RAD50: variants seen among roughly 807,000 people sequenced by gnomAD.
RAD50 encodes RAD50 double strand break repair protein.
RAD50 carries 132 observed loss-of-function variants against 168.8 expected under a neutral mutation model. That is an observed-to-expected ratio of 0.78 (90% CI 0.68 to 0.90). RAD50 has a LOEUF of 0.90. Among genes scored for constraint, RAD50 ranks in the 40% least tolerant of loss-of-function variants. The pLI is 0.00. For missense variants in RAD50, 1,347 were observed against 1,534.4 expected (o/e 0.88, Z 2.04); for synonymous variants, 525 against 497.4 (o/e 1.06, Z -0.74).
chr5:132,564,695 A>T (rs1393952357), intron 2 of RAD50, among the ~76,000 whole-genome samples: 2 of 152,228 alleles, frequency 1.3e-5, no homozygotes, highest in African/African-American at 2.4e-5. Flanking sequence ...GAGGAGCAGA[A>T]TGTTTAATAG....
intron 23 of RAD50, among the ~76,000 whole-genome samples, chr5:132,639,108 G>GCA (rs1046513725): frequency 2.6e-5 from 4 of 151,778 alleles, no homozygotes; most frequent in African/African-American, 9.7e-5. Context: ...TGTAATCGCA[G>GCA]CACTTTGGAA....
At chr5:132,608,478 G>GGGTC (rs1251698290) in intron 16 of RAD50, 137 bp from the exon 17 acceptor site, 1 of 660,102 alleles carries the variant, frequency 1.5e-6, no homozygotes, top group African/African-American at 1.8e-5. Context: ...TGTCCTCATA[G>GGGTC]GGTCATTGAA....
At chr5:132,587,882 T>C in intron 6 of RAD50, 42 bp from the exon 7 acceptor site, 1 of 1,593,792 alleles carries the variant, frequency 6.3e-7, no homozygotes, top group Non-Finnish European at 8.6e-7. Flanking sequence ...TCATATTTTC[T>C]TATGTTTGTA....
chr5:132,609,377 A>C lies in RAD50; in HGVS notation c.3017A>C (p.Gln1006Pro), dbSNP rs772380135. 1.2e-6 allele frequency: 2 copies of C among 1,613,846 alleles called. No homozygotes were observed. The highest frequency in any genetic ancestry group is 1.7e-6 in the Non-Finnish European group (2 of 1,179,864). ...AATGAAGATATGAGACTCATGAGACAAGATATTGATACACAGAAGGTAGGT... is the reference window on the plus strand; with the variant it reads ...AATGAAGATATGAGACTCATGAGACCAGATATTGATACACAGAAGGTAGGT... ...KINEDMRLMR[Q>P]DIDTQKIQER... Residue 1006 changes from glutamine to proline, a missense_variant, in exon 19 of 25, where the codon CAA becomes CCA. By Grantham distance (76) the Gln-to-Pro change is moderately conservative. Around this residue, in one of 3 missense-constraint regions of RAD50, gnomAD observed 635 missense variants for 739.2 expected, o/e 0.86. Coordinates refer to ENST00000378823, the MANE Select transcript of RAD50 (RefSeq NM_005732.4).
At position 132,643,022 on chromosome 5, in the gene RAD50, G is replaced by T; in HGVS notation, c.*658G>T. 1.9e-6 allele frequency: 1 copy of T among 529,052 alleles called. No homozygotes were observed. Among genetic ancestry groups the T allele is most frequent in the Non-Finnish European group, 3.8e-6 (1 of 262,332 alleles). 32.8% of individuals were successfully genotyped at this position (529,052 alleles called of 1,614,324 possible). A position where few individuals can be genotyped will look rare whatever the true frequency, so the allele number is the denominator to read the frequency against. The stretch of plus-strand genomic sequence containing the variant: ...CCTTCCAGATGGTCATCCAGACTCA[G>T]AGCTCTCTCTACAGAGAGGAAATTC... On this transcript the variant is annotated 3_prime_UTR_variant, in exon 25 of 25. Transcript: ENST00000378823.
rs1484003431 is a variant in RAD50, at chr5:132,575,944, A to G, written c.365+16A>G. The stretch of plus-strand genomic sequence containing the variant: ...CTAGAACAAAGTAGGTGTTTATATG[A>G]TATTTGAATTTCTGTTCATTTTCAG... On this transcript the variant is annotated intron_variant, in intron 3 of 24. Coordinates refer to ENST00000378823, the MANE Select transcript of RAD50 (RefSeq NM_005732.4). 10 of 1,585,996 alleles carry G rather than the reference A, an allele frequency of 6.3e-6. No homozygotes were observed. Among genetic ancestry groups the G allele is most frequent in the Admixed American group, 1.7e-5 (1 of 58,352 alleles).
intron 21 of RAD50, among the ~76,000 whole-genome samples, chr5:132,628,730 C>T (rs751219051): frequency 6.6e-6 from 1 of 151,922 alleles, no homozygotes; most frequent in Non-Finnish European, 1.5e-5. Flanking sequence ...GCCTGTAATC[C>T]CAGCTACTCA....
rs1751794034 is a variant in RAD50 at position 132,643,809 on chromosome 5, A to G, written c.*1445A>G. ...ATATTAAACATCCACAATAACCAAG[A>G]TATTTTTATCCCAAGAATGCAAGAT... On this transcript the variant is annotated 3_prime_UTR_variant, in exon 25 of 25. Transcript: ENST00000378823. The G allele has an allele frequency of 4.3e-6, 1 of 231,446 alleles. No individual in the cohort carries two copies. The highest frequency in any genetic ancestry group is 8.5e-6 in the Non-Finnish European group (1 of 116,966). The allele number at this position is 231,446 out of a possible 1,614,324, so 14.3% of individuals were successfully genotyped here.
chr5:132,583,815 TC>T lies in RAD50; in HGVS notation c.757-3744del, dbSNP rs555720747. Among the ~76,000 whole-genome samples, 10 of 150,396 alleles carry T rather than the reference TC, an allele frequency of 6.6e-5. No homozygotes were observed. The South Asian group carries it at 1.5e-3, about 22-fold the overall frequency. ...TTCAAGCAATTCTCCTACCTCAGCCTCCCAAGTAGCTGGGATTACAGGCATG... is the reference window on the plus strand; with the variant it reads ...TTCAAGCAATTCTCCTACCTCAGCCTCCAAGTAGCTGGGATTACAGGCATG... On this transcript the variant is annotated intron_variant, in intron 5 of 24. Transcript: ENST00000378823.
intron 2 of RAD50, among the ~76,000 whole-genome samples, chr5:132,564,774 A>G (rs1750178903): frequency 6.6e-6 from 1 of 151,908 alleles, no homozygotes; most frequent in South Asian, 2.1e-4. Flanking sequence ...CCATTACAGG[A>G]CACTACTCCC....
At chr5:132,584,644 A>C (rs553370989) in intron 5 of RAD50, among the ~76,000 whole-genome samples, 1 of 152,198 alleles carries the variant, frequency 6.6e-6, no homozygotes, top group Non-Finnish European at 1.5e-5. Context: ...ACACATGCAC[A>C]TGTATGTTTA....
chr5:132,578,900 C>T (rs558723285), intron 3 of RAD50, among the ~76,000 whole-genome samples: 1 of 152,242 alleles, frequency 6.6e-6, no homozygotes, highest in African/African-American at 2.4e-5. Flanking sequence ...CTCTGCTCAC[C>T]AGAGCAGTCT....
Position 132,637,205 on chromosome 5 carries a change from G to A in RAD50, c.3475+5G>A, listed in dbSNP as rs1288724170. 1 of 1,609,912 alleles carries A rather than the reference G, an allele frequency of 6.2e-7. No individual in the cohort carries two copies. Among genetic ancestry groups the A allele is most frequent in the African/African-American group, 1.3e-5 (1 of 74,806 alleles). On this transcript the variant is annotated splice_donor_5th_base_variant and intron_variant, in intron 22 of 24. Transcript: ENST00000378823. ...GAAGTACCTATCGTGGACAAGGTGA[G>A]TACCATGGTGTATCACAAATGCTCT... is the stretch of plus-strand genomic sequence containing the variant.
chr5:132,598,778 G>A (rs188712705), intron 13 of RAD50, among the ~76,000 whole-genome samples: 92 of 152,296 alleles, frequency 6.0e-4, no homozygotes, highest in Middle Eastern at 6.8e-3. Flanking sequence ...TATCCTAAGG[G>A]TAAGTATTCC....
intron 17 of RAD50, 46 bp downstream of exon 17, chr5:132,608,771 C>CTT: frequency 1.9e-6 from 3 of 1,541,946 alleles, no homozygotes; most frequent in Non-Finnish European, 2.6e-6. Flanking sequence ...CTGTATTAAA[C>CTT]TTATGTTCAT....
chr5:132,629,317 C>T (rs779198726), intron 21 of RAD50, among the ~76,000 whole-genome samples: 42 of 152,158 alleles, frequency 2.8e-4, no homozygotes, highest in Non-Finnish European at 5.1e-4. Flanking sequence ...TTGGTAGGTG[C>T]TCCATAGTCT....
intron 13 of RAD50, among the ~76,000 whole-genome samples, chr5:132,601,995 G>A (rs1750897602): frequency 6.6e-6 from 1 of 152,110 alleles, no homozygotes; most frequent in African/African-American, 2.4e-5. Flanking sequence ...GGGGGGCTAG[G>A]GGAGGGATAG....
At chr5:132,630,858 A>G (rs575639163) in intron 21 of RAD50, 1 of 152,294 alleles carries the variant, frequency 6.6e-6, no homozygotes, top group African/African-American at 2.4e-5. Flanking sequence ...ACTAGAGACA[A>G]AACTAAAAAC....
chr5:132,559,974 T>C (rs1254879835), intron 2 of RAD50, among the ~76,000 whole-genome samples: 2 of 152,182 alleles, frequency 1.3e-5, no homozygotes, highest in African/African-American at 4.8e-5. Context: ...TTATGGTGTT[T>C]ATACTATTCG....
Sources: allele counts gnomAD v4.1 joint callset (sites outside exome capture counted in the v4.1 genomes callset), GRCh38; gene constraint gnomAD v4.1.1; regional missense constraint gnomAD v4.1.1; transcripts MANE v1.5; gene names NCBI Gene and HGNC (gene_info 2026-07-23, HGNC 2026-07-21).